The following DHRSX variants were observed in gnomAD, a reference collection of about 807,000 sequenced individuals.
The protein encoded by DHRSX is dehydrogenase/reductase X-linked.
Under a neutral mutation model 34.0 loss-of-function variants are expected in DHRSX, and 31 were observed. That is an observed-to-expected ratio of 0.91 (90% CI 0.69 to 1.23). DHRSX has a LOEUF of 1.23. Among genes scored for constraint, DHRSX ranks in the 50% most tolerant of loss-of-function variants. The pLI is 0.00. For missense variants in DHRSX, 414 were observed against 428.1 expected (o/e 0.97, Z 0.29); for synonymous variants, 201 against 183.8 (o/e 1.09, Z -0.76).
intron 6 of DHRSX, among the ~76,000 whole-genome samples, chrX:2,231,955 T>TTCC: frequency 1.7e-5 from 1 of 57,890 alleles, no homozygotes; most frequent in East Asian, 1.0e-3. Context: ...CCTCCTTCTC[T>TTCC]TTTCTTTCTG....
At chrX:2,494,248 T>C (rs973131274) in intron 1 of DHRSX, among the ~76,000 whole-genome samples, 60 of 151,948 alleles carry the variant, frequency 3.9e-4, no homozygotes, top group African/African-American at 1.2e-3. Context: ...CTGGTACCTG[T>C]AGCAAAGGCT....
At chrX:2,227,453 G>A (rs73626161) in intron 6 of DHRSX, among the ~76,000 whole-genome samples, 3,697 of 146,888 alleles carry the variant, frequency 0.025, 189 homozygotes, top group African/African-American at 0.089. Context: ...GAGAGGGAGG[G>A]AGGCAGTAAG....
chrX:2,371,404 A>ATTACCATAGCCCCTCCTTTCG (rs752416128), intron 3 of DHRSX, among the ~76,000 whole-genome samples: 1 of 142,592 alleles, frequency 7.0e-6, no homozygotes, highest in Admixed American at 6.9e-5. Context: ...CCCTTCTCAC[A>ATTACCATAGCCCCTCCTTTCG]TTACCATAGT....
chrX:2,277,517 AAG>A lies in DHRSX; in HGVS notation c.389-10572_389-10571del, dbSNP rs370978493. Reference sequence around the variant, plus strand: ...AGAAGGAAGAGGAGGAAATGGGGGAAAGAGAGAGAAAGAGAGATGGAGAGGGA... The same window carrying A: ...AGAAGGAAGAGGAGGAAATGGGGGAAAGAGAGAAAGAGAGATGGAGAGGGA... On this transcript the variant is annotated intron_variant, in intron 4 of 6. Transcript: ENST00000334651. Among the ~76,000 whole-genome samples the A allele has an allele frequency of 2.0e-3, 33 of 16,806 alleles. 1 individual carries two copies. Among genetic ancestry groups the A allele is most frequent in the Non-Finnish European group, 2.3e-3 (15 of 6,652 alleles). 11.0% of individuals were successfully genotyped at this position (16,806 alleles called of 152,430 possible).
At chrX:2,366,547 T>A (rs2042996392) in intron 3 of DHRSX, among the ~76,000 whole-genome samples, 1 of 151,894 alleles carries the variant, frequency 6.6e-6, no homozygotes, top group African/African-American at 2.4e-5. Context: ...ACAACCAGGG[T>A]AGGGGGTTAA....
intron 3 of DHRSX, among the ~76,000 whole-genome samples, chrX:2,332,530 A>C (rs1266399533): frequency 6.6e-6 from 1 of 152,184 alleles, no homozygotes; most frequent in Non-Finnish European, 1.5e-5. Context: ...TATCCAGAGG[A>C]GGCACAACAA....
chrX:2,498,812 G>T (rs2045344550), intron 1 of DHRSX, among the ~76,000 whole-genome samples: 1 of 152,056 alleles, frequency 6.6e-6, no homozygotes, highest in Non-Finnish European at 1.5e-5. Flanking sequence ...ATAATCTTCT[G>T]CGAGACTCCA....
At chrX:2,490,810 C>G (rs2045116884) in intron 1 of DHRSX, 1 of 1,522,948 alleles carries the variant, frequency 6.6e-7, no homozygotes, top group Non-Finnish European at 8.8e-7. Context: ...TGAGAAGGGA[C>G]CCAGGCACGC....
At chrX:2,417,057 G>T (rs1387691446) in intron 2 of DHRSX, among the ~76,000 whole-genome samples, 1 of 152,162 alleles carries the variant, frequency 6.6e-6, no homozygotes, top group East Asian at 1.9e-4. Context: ...CTGCATAATT[G>T]ATTGGATTGA....
intron 2 of DHRSX, among the ~76,000 whole-genome samples, chrX:2,413,289 C>CA (rs1187685994): frequency 1.3e-5 from 2 of 152,012 alleles, no homozygotes; most frequent in African/African-American, 4.8e-5. Flanking sequence ...CACCAAATGT[C>CA]AGTTTGACAG....
At chrX:2,248,506 G>A (rs968384050) in intron 5 of DHRSX, among the ~76,000 whole-genome samples, 13 of 150,450 alleles carry the variant, frequency 8.6e-5, no homozygotes, top group African/African-American at 2.9e-4. Context: ...CCAGCTACTC[G>A]GGAGGCTGAG....
rs775404193 is a variant in DHRSX, at chrX:2,276,748, G to A, written c.389-9801C>T. ...AAAGGGCAATCAGAGAGAGAGAGAGGAGAGAGAGAGGGAGGGCAAAGAAGG... is the reference window on the plus strand; with the variant it reads ...AAAGGGCAATCAGAGAGAGAGAGAGAAGAGAGAGAGGGAGGGCAAAGAAGG... On this transcript the variant is annotated intron_variant, in intron 4 of 6. Coordinates refer to ENST00000334651, the MANE Select transcript of DHRSX (RefSeq NM_145177.3). Among the ~76,000 whole-genome samples the A allele has an allele frequency of 8.1e-5, 12 of 147,828 alleles. No individual in the cohort carries two copies. In the South Asian group the frequency reaches 2.4e-3, roughly 29 times the overall value.
chrX:2,399,877 T>C (rs2043465530), intron 3 of DHRSX, among the ~76,000 whole-genome samples: 1 of 151,362 alleles, frequency 6.6e-6, no homozygotes, highest in South Asian at 2.1e-4. Context: ...TAGAAAAAAT[T>C]TAAAAAACAA....
chrX:2,283,293 T>C (rs2041754264), intron 4 of DHRSX, among the ~76,000 whole-genome samples: 1 of 151,742 alleles, frequency 6.6e-6, no homozygotes, highest in Admixed American at 6.6e-5. Flanking sequence ...AACATCCAAA[T>C]GCCTCCTGTT....
At chrX:2,331,860 T>C (rs1378134117) in intron 3 of DHRSX, among the ~76,000 whole-genome samples, 2 of 152,116 alleles carry the variant, frequency 1.3e-5, no homozygotes, top group African/African-American at 2.4e-5. Context: ...GTGACAAACA[T>C]CACTGTTGTC....
intron 3 of DHRSX, among the ~76,000 whole-genome samples, chrX:2,291,974 A>G (rs1342040953): frequency 2.1e-5 from 3 of 145,268 alleles, no homozygotes; most frequent in Non-Finnish European, 4.5e-5. Flanking sequence ...TCTTGACCTC[A>G]GGTGATCCGC....
Position 2,447,937 on chromosome X carries a change from G to A in DHRSX, c.110-22633C>T, listed in dbSNP as rs776068526. ...AGGCCAGGAGCGGTGGCTTATGTCC[G>A]GAATCACAATGCTATGGAAGGCTGA... On this transcript the variant is annotated intron_variant, in intron 1 of 6. Coordinates refer to ENST00000334651, the MANE Select transcript of DHRSX (RefSeq NM_145177.3). 1.5e-4 allele frequency among the ~76,000 whole-genome samples: 22 copies of A among 150,646 alleles called. No homozygotes were observed. The South Asian group carries it at 4.7e-3, about 32-fold the overall frequency.
intron 3 of DHRSX, among the ~76,000 whole-genome samples, chrX:2,399,736 A>AC (rs1484627344): frequency 7.0e-6 from 1 of 143,190 alleles, no homozygotes; most frequent in Non-Finnish European, 1.5e-5. Flanking sequence ...AAAAAAAAAA[A>AC]AAAAAACAAA....
At chrX:2,288,459 T>G (rs2041830653) in intron 4 of DHRSX, among the ~76,000 whole-genome samples, 2 of 152,198 alleles carry the variant, frequency 1.3e-5, no homozygotes, top group Admixed American at 1.3e-4. Context: ...GGTCTCGAAC[T>G]CCTGACCTCA....
Sources: allele counts gnomAD v4.1 joint callset (sites outside exome capture counted in the v4.1 genomes callset), GRCh38; gene constraint gnomAD v4.1.1; transcripts MANE v1.5; gene names NCBI Gene and HGNC (gene_info 2026-07-23, HGNC 2026-07-21).